MED13: variants seen among roughly 807,000 people sequenced by gnomAD.
The protein encoded by MED13 is mediator complex subunit 13.
Under a neutral mutation model 225.2 loss-of-function variants are expected in MED13, and 23 were observed. That is an observed-to-expected ratio of 0.10 (90% CI 0.07 to 0.14). The LOEUF is 0.14. MED13 is among the 10% of genes least tolerant of loss of function. The pLI is 1.00. For missense variants in MED13, 2,197 were observed against 2,594.5 expected (o/e 0.85, Z 3.33); for synonymous variants, 942 against 889.2 (o/e 1.06, Z -1.06).
Position 61,990,627 on chromosome 17 carries a change from G to GTATATATATA in MED13, c.2263+1903_2263+1912dup, listed in dbSNP as rs5821345. On this transcript the variant is annotated intron_variant, in intron 11 of 29. Transcript: ENST00000397786. ...TACACACACACACTTGGCGCACTGT[G>GTATATATATA]TATATATATATATATATATATATAC... 1.6e-3 allele frequency among the ~76,000 whole-genome samples: 216 copies of GTATATATATA among 138,994 alleles called. 1 individual carries two copies. The highest frequency in any genetic ancestry group is 5.0e-3 in the African/African-American group (183 of 36,356). 91.2% of individuals were successfully genotyped at this position (138,994 alleles called of 152,430 possible).
chr17:62,030,143 T>C (rs552294972), intron 6 of MED13, 130 bp from the exon 7 acceptor site: 5 of 945,048 alleles, frequency 5.3e-6, no homozygotes, highest in Non-Finnish European at 7.3e-6. Context: ...TATTTTGAGA[T>C]AAAAAGCATG....
At chr17:62,053,191 A>G (rs1451470983) in intron 2 of MED13, among the ~76,000 whole-genome samples, 1 of 152,192 alleles carries the variant, frequency 6.6e-6, no homozygotes, top group Non-Finnish European at 1.5e-5. Context: ...CCACTACAAC[A>G]CTAAGTGATG....
At chr17:62,021,322 C>G (rs1205309798) in intron 8 of MED13, among the ~76,000 whole-genome samples, 49 of 135,878 alleles carry the variant, frequency 3.6e-4, no homozygotes, top group Middle Eastern at 4.6e-3. Flanking sequence ...GGGGGGCTGA[C>G]CCCCCCACCT....
intron 3 of MED13, among the ~76,000 whole-genome samples, chr17:62,042,439 G>A (rs1283239105): frequency 1.3e-5 from 2 of 151,698 alleles, no homozygotes; most frequent in Admixed American, 6.6e-5. Flanking sequence ...GCACACGCCT[G>A]TAGTCCCAGC....
chr17:61,992,108 A>G (rs1013484641), intron 11 of MED13, among the ~76,000 whole-genome samples: 5 of 152,194 alleles, frequency 3.3e-5, no homozygotes, highest in South Asian at 2.1e-4. Flanking sequence ...ACTGGACATC[A>G]GTATCTTTCT....
rs756120131 is a variant in MED13 at position 61,985,097 on chromosome 17, A to T, written c.2386-7T>A. The T allele has an allele frequency of 7.5e-6, 12 of 1,606,900 alleles. No individual in the cohort carries two copies. Among genetic ancestry groups the T allele is most frequent in the East Asian group, 2.2e-5 (1 of 44,834 alleles). Reference sequence around the variant, plus strand: ...CTGATTTTTTAGATCCAGGCTATTTAAAAAAAGCACATATTTATCTAAAAT... The same window carrying T: ...CTGATTTTTTAGATCCAGGCTATTTTAAAAAAGCACATATTTATCTAAAAT... On this transcript the variant is annotated splice_polypyrimidine_tract_variant and splice_region_variant and intron_variant, in intron 12 of 29. Transcript: ENST00000397786.
At chr17:61,957,118 C>T (rs935092642) in intron 23 of MED13, among the ~76,000 whole-genome samples, 5 of 152,190 alleles carry the variant, frequency 3.3e-5, no homozygotes, top group African/African-American at 1.2e-4. Context: ...ACAATCTCGG[C>T]TCACTGCAAC....
chr17:62,042,439 G>C (rs1283239105), intron 3 of MED13, among the ~76,000 whole-genome samples: 1 of 151,698 alleles, frequency 6.6e-6, no homozygotes, highest in African/African-American at 2.4e-5. Flanking sequence ...GCACACGCCT[G>C]TAGTCCCAGC....
chr17:62,010,541 A>C lies in MED13; in HGVS notation c.1967+9T>G. On this transcript the variant is annotated intron_variant, in intron 9 of 29. Transcript: ENST00000397786. ...AATTATAATGGTGACTATTAAAAAA[A>C]ATACATACTCTGTAACTGATGTTAC... The C allele has an allele frequency of 4.2e-6, 6 of 1,413,428 alleles. No individual in the cohort carries two copies. Among genetic ancestry groups the C allele is most frequent in the Non-Finnish European group, 5.6e-6 (6 of 1,078,620 alleles). The allele number at this position is 1,413,428 out of a possible 1,614,324, so 87.6% of individuals were successfully genotyped here. A position where few individuals can be genotyped will look rare whatever the true frequency, so the allele number is the denominator to read the frequency against.
intron 27 of MED13, among the ~76,000 whole-genome samples, chr17:61,951,918 G>A (rs1383321105): frequency 4.6e-5 from 7 of 151,424 alleles, no homozygotes; most frequent in Non-Finnish European, 1.0e-4. Context: ...TTTTTTTTGA[G>A]ATGGAGTCTC....
chr17:62,010,599 C>A lies in MED13; in HGVS notation c.1918G>T (p.Asp640Tyr). 1 of 1,493,460 alleles carries A rather than the reference C, an allele frequency of 6.7e-7. No individual in the cohort carries two copies. 92.5% of individuals were successfully genotyped at this position (1,493,460 alleles called of 1,614,324 possible). A position where few individuals can be genotyped will look rare whatever the true frequency, so the allele number is the denominator to read the frequency against. Residue 640 changes from aspartate (D) to tyrosine (Y), a missense_variant, in exon 9 of 30, where the codon GAT becomes TAT. This residue lies in a region of MED13 where 884 missense variants were observed against 918.5 expected (regional missense o/e 0.96). Transcript: ENST00000397786. ...TGTCCAAAAGGTCCAACTGGATCAT[C>A]CTTGAATTTATCACTTGGAAGTTGA... ...PPQLPSDKFKDDPVGPFGQES... is the reference protein window; with the variant it reads ...PPQLPSDKFKYDPVGPFGQES...
intron 10 of MED13, among the ~76,000 whole-genome samples, chr17:61,992,864 G>GT (rs11375629): frequency 1 from 152,276 of 152,276 alleles, 76,138 homozygotes; most frequent in Non-Finnish European, 1. Context: ...TGCCTCCTAG[G>GT]TCAAGTGATC....
intron 9 of MED13, among the ~76,000 whole-genome samples, chr17:62,000,179 CA>C (rs2080382146): frequency 6.6e-6 from 1 of 152,176 alleles, no homozygotes; most frequent in African/African-American, 2.4e-5. Flanking sequence ...TTATTTACAC[CA>C]AACAGAAAAT....
intron 16 of MED13, among the ~76,000 whole-genome samples, chr17:61,981,802 T>C (rs541846296): frequency 6.6e-6 from 1 of 152,350 alleles, no homozygotes; most frequent in South Asian, 2.1e-4. Flanking sequence ...TCCACTAAAT[T>C]ATAGATTCAA....
chr17:62,003,191 AT>A (rs11311296), intron 9 of MED13, among the ~76,000 whole-genome samples: 56,127 of 152,026 alleles, frequency 0.37, 12,565 homozygotes, highest in East Asian at 0.72. Flanking sequence ...CTATAGAACA[AT>A]TTATATTCCA....
chr17:62,002,703 A>C (rs1039196659), intron 9 of MED13, among the ~76,000 whole-genome samples: 1 of 152,090 alleles, frequency 6.6e-6, no homozygotes, highest in African/African-American at 2.4e-5. Flanking sequence ...CCTTTTCACT[A>C]TAAGAAAAAA....
intron 8 of MED13, among the ~76,000 whole-genome samples, chr17:62,025,417 CA>C (rs892471918): frequency 6.6e-6 from 1 of 152,116 alleles, no homozygotes; most frequent in African/African-American, 2.4e-5. Context: ...CCTATAATCC[CA>C]ACACTTTGGG....
intron 8 of MED13, among the ~76,000 whole-genome samples, chr17:62,025,305 G>A (rs1245034224): frequency 6.6e-6 from 1 of 152,092 alleles, no homozygotes; most frequent in Non-Finnish European, 1.5e-5. Context: ...ACTGAAATCC[G>A]AATTTCACAC....
chr17:61,975,139 TAA>T (rs200864641), intron 16 of MED13, among the ~76,000 whole-genome samples: 4 of 138,786 alleles, frequency 2.9e-5, no homozygotes, highest in Admixed American at 7.2e-5. Flanking sequence ...CCCCGTATCT[TAA>T]AAAAAAAAAA....
Sources: gnomAD v4.1 joint callset for allele counts (sites outside exome capture counted in the v4.1 genomes callset) on GRCh38, gnomAD v4.1.1 for gene constraint, gnomAD v4.1.1 regional missense constraint, MANE v1.5 for transcripts, NCBI Gene and HGNC (gene_info 2026-07-23, HGNC 2026-07-21) for gene names.